The following KCNMB2 variants were observed in gnomAD, a reference collection of about 807,000 sequenced individuals.
KCNMB2 encodes the protein potassium calcium-activated channel subfamily M regulatory beta subunit 2.
In KCNMB2, 9 loss-of-function variants were observed where a neutral mutation model predicts 24.5. The observed-to-expected ratio is 0.37, with a 90% confidence interval of 0.22 to 0.64. The LOEUF is 0.64. KCNMB2 is among the 30% of genes least tolerant of loss of function. KCNMB2 has a pLI of 0.63. For missense variants in KCNMB2, 226 were observed against 284.3 expected (o/e 0.79, Z 1.47); for synonymous variants, 109 against 104.4 (o/e 1.04, Z -0.27).
chr3:178,665,633 T>C (rs1200080497), intron 1 of KCNMB2, among the ~76,000 whole-genome samples: 1 of 152,174 alleles, frequency 6.6e-6, no homozygotes, highest in East Asian at 1.9e-4. Flanking sequence ...ATTGGTATTA[T>C]AATCTGACAT....
intron 1 of KCNMB2, among the ~76,000 whole-genome samples, chr3:178,639,594 C>G (rs1719649485): frequency 6.6e-6 from 1 of 152,142 alleles, no homozygotes; most frequent in Non-Finnish European, 1.5e-5. Context: ...ACCCAAATCC[C>G]AGGGTTCTTC....
At chr3:178,621,331 A>T (rs991358740) in intron 1 of KCNMB2, among the ~76,000 whole-genome samples, 2 of 150,668 alleles carry the variant, frequency 1.3e-5, no homozygotes, top group Non-Finnish European at 3.0e-5. Flanking sequence ...AGAAGGAACT[A>T]ATCTAGTTGC....
chr3:178,585,132 G>T (rs1717380299), intron 1 of KCNMB2, among the ~76,000 whole-genome samples: 1 of 152,166 alleles, frequency 6.6e-6, no homozygotes, highest in African/African-American at 2.4e-5. Flanking sequence ...TCCTTCACTT[G>T]GATTTCTGCA....
chr3:178,813,411 T>G (rs1714273115), intron 2 of KCNMB2, among the ~76,000 whole-genome samples: 1 of 152,206 alleles, frequency 6.6e-6, no homozygotes, highest in Non-Finnish European at 1.5e-5. Context: ...ACCTCTTATG[T>G]TATATATGTG....
At chr3:178,641,916 A>G (rs1487071231) in intron 1 of KCNMB2, among the ~76,000 whole-genome samples, 1 of 152,042 alleles carries the variant, frequency 6.6e-6, no homozygotes, top group Non-Finnish European at 1.5e-5. Context: ...ATTTCATCTC[A>G]ATATGTTTCT....
chr3:178,732,352 G>A (rs1003506475), intron 1 of KCNMB2, among the ~76,000 whole-genome samples: 1 of 152,132 alleles, frequency 6.6e-6, no homozygotes, highest in African/African-American at 2.4e-5. Context: ...ATCAACACTT[G>A]AAGAACTTTC....
At chr3:178,587,602 G>GTTT (rs1471367002) in intron 1 of KCNMB2, among the ~76,000 whole-genome samples, 1 of 143,274 alleles carries the variant, frequency 7.0e-6, no homozygotes, top group African/African-American at 2.6e-5. Flanking sequence ...TTTTTGGGTG[G>GTTT]TTTTTTTTTT....
At chr3:178,578,132 G>C (rs1343014674) in intron 1 of KCNMB2, among the ~76,000 whole-genome samples, 8 of 152,156 alleles carry the variant, frequency 5.3e-5, no homozygotes, top group Admixed American at 5.2e-4. Context: ...CAGAGAGAAA[G>C]GTTGGGTTAC....
At chr3:178,804,661 C>T (rs1463368920) in intron 1 of KCNMB2, among the ~76,000 whole-genome samples, 1 of 152,148 alleles carries the variant, frequency 6.6e-6, no homozygotes. Context: ...GTATTGAAAT[C>T]ACTGCAGCTC....
intron 1 of KCNMB2, chr3:178,757,044 T>A (rs1297041334): frequency 6.6e-6 from 1 of 151,736 alleles, no homozygotes; most frequent in Non-Finnish European, 1.5e-5. Flanking sequence ...TATGTATATT[T>A]CAGAGCCTTT....
rs141339651 is a variant in KCNMB2, at chr3:178,673,390, G to A, written c.-67-133953G>A. ...CTATTCATATCTCATTATTTCTTAC[G>A]TCTCTGGTTTCTATTCCCATATCTT... On this transcript the variant is annotated intron_variant, in intron 1 of 4. Transcript: ENST00000452583. Among the ~76,000 whole-genome samples, 18 of 151,648 alleles carry A rather than the reference G, an allele frequency of 1.2e-4. No individual in the cohort carries two copies. The East Asian group carries it at 3.1e-3, about 26-fold the overall frequency.
chr3:178,757,437 AGAGGATATATATATAT>A (rs1724136336), intron 1 of KCNMB2, among the ~76,000 whole-genome samples: 1 of 64,398 alleles, frequency 1.6e-5, no homozygotes, highest in African/African-American at 7.3e-5. Flanking sequence ...TATATATCCA[AGAGGATATATATATAT>A]GTATATATAT....
At chr3:178,588,406 G>A (rs993828988) in intron 1 of KCNMB2, among the ~76,000 whole-genome samples, 6 of 152,094 alleles carry the variant, frequency 3.9e-5, no homozygotes, top group African/African-American at 1.4e-4. Flanking sequence ...TTAAAACTCT[G>A]CCTTAAGAGA....
chr3:178,641,127 G>C (rs143046045), intron 1 of KCNMB2, among the ~76,000 whole-genome samples: 2 of 152,098 alleles, frequency 1.3e-5, no homozygotes, highest in Non-Finnish European at 2.9e-5. Context: ...AAATCAGATA[G>C]TTTCAGTTCT....
At chr3:178,757,312 C>T (rs56854350) in intron 1 of KCNMB2, among the ~76,000 whole-genome samples, 13,393 of 81,188 alleles carry the variant, frequency 0.16, 1,789 homozygotes, top group African/African-American at 0.25. Flanking sequence ...ATATATCCAT[C>T]CAAGAGGACA....
chr3:178,617,890 A>C (rs1182411892), intron 1 of KCNMB2, among the ~76,000 whole-genome samples: 16 of 41,766 alleles, frequency 3.8e-4, no homozygotes, highest in Middle Eastern at 7.9e-3. Context: ...GACTCTGTCT[A>C]AAAAAAAAAA....
chr3:178,812,646 A>G (rs894775795), intron 2 of KCNMB2, among the ~76,000 whole-genome samples: 6 of 152,176 alleles, frequency 3.9e-5, no homozygotes, highest in African/African-American at 1.4e-4. Flanking sequence ...ACTGATACCC[A>G]ATATCCAGTT....
intron 1 of KCNMB2, among the ~76,000 whole-genome samples, chr3:178,727,589 T>C (rs867369424): frequency 6.6e-6 from 1 of 152,122 alleles, no homozygotes; most frequent in Non-Finnish European, 1.5e-5. Flanking sequence ...GAGAGAGACA[T>C]GACTAAGGAA....
chr3:178,570,794 G>C (rs1359136279), intron 1 of KCNMB2, among the ~76,000 whole-genome samples: 1 of 152,106 alleles, frequency 6.6e-6, no homozygotes, highest in Non-Finnish European at 1.5e-5. Context: ...GGGGTAATAG[G>C]TAATATAATT....
Sources: allele counts gnomAD v4.1 joint callset (sites outside exome capture counted in the v4.1 genomes callset), GRCh38; gene constraint gnomAD v4.1.1; transcripts MANE v1.5; gene names NCBI Gene and HGNC (gene_info 2026-07-23, HGNC 2026-07-21).